Variants in ADGRG6 observed in about 807,000 individuals in gnomAD.
ADGRG6 encodes adhesion G protein-coupled receptor G6.
In ADGRG6, 84 loss-of-function variants were observed where a neutral mutation model predicts 142.4. That is an observed-to-expected ratio of 0.59 (90% confidence interval 0.49 to 0.71). ADGRG6 has a LOEUF of 0.71. Among genes scored for constraint, ADGRG6 ranks in the 30% least tolerant of loss-of-function variants. The probability of loss-of-function intolerance (pLI) is 0.00; values close to 1 mark genes in which losing one functional copy is unlikely to be tolerated. For synonymous variants in ADGRG6, 521 were observed against 520.5 expected (o/e 1.00, Z -0.01); for missense variants, 1,367 against 1,466.6 (o/e 0.93, Z 1.11).
At position 142,408,276 on chromosome 6, in the gene ADGRG6, A is replaced by T. The variant is rs1284379314; in HGVS notation, c.2388+7A>T. On this transcript the variant is annotated splice_region_variant and intron_variant, in intron 16 of 24. Transcript: ENST00000367609. ...CAAACATACAAGAACTCAGGTAAGA[A>T]AACGCTCCCAATAGCATTTGGACAG... is the stretch of plus-strand genomic sequence containing the variant. 6.5e-7 allele frequency: 1 copy of T among 1,550,098 alleles called. No homozygotes were observed. Among genetic ancestry groups the T allele is most frequent in the Non-Finnish European group, 8.7e-7 (1 of 1,144,214 alleles).
At position 142,321,263 on chromosome 6, in the gene ADGRG6, A is replaced by G. The variant is rs540225830; in HGVS notation, c.103+11619A>G. 2.7e-5 allele frequency among the ~76,000 whole-genome samples: 4 copies of G among 148,808 alleles called. No homozygotes were observed. In the South Asian group the frequency reaches 8.5e-4, roughly 32 times the overall value. On this transcript the variant is annotated intron_variant, in intron 2 of 24. Coordinates refer to ENST00000367609, the MANE Select transcript of ADGRG6 (RefSeq NM_198569.3). ...ATATTTCCTTTTTCATTACATCCTTATGTTTCCAAAAATAAGCATGCATAC... is the reference window on the plus strand; with the variant it reads ...ATATTTCCTTTTTCATTACATCCTTGTGTTTCCAAAAATAAGCATGCATAC...
intron 24 of ADGRG6, among the ~76,000 whole-genome samples, chr6:142,440,483 A>G (rs1777701511): frequency 6.6e-6 from 1 of 151,928 alleles, no homozygotes; most frequent in Non-Finnish European, 1.5e-5. Context: ...TTTTGTAGAG[A>G]TGAGGTCTCA....
intron 1 of ADGRG6, 177 bp downstream of exon 1, chr6:142,302,508 C>G: frequency 1.7e-6 from 1 of 603,766 alleles, no homozygotes. Context: ...AGGAGTAGGA[C>G]TATTGCCAAG....
intron 22 of ADGRG6, among the ~76,000 whole-genome samples, chr6:142,432,466 C>T (rs1189924814): frequency 6.6e-6 from 1 of 152,054 alleles, no homozygotes; most frequent in Non-Finnish European, 1.5e-5. Context: ...AAAATATATT[C>T]ATTCCTAAGA....
In ADGRG6 at chr6:142,380,620, T is replaced by A. The variant is rs183610135; in HGVS notation, c.1070-1331T>A. Among the ~76,000 whole-genome samples, 14 of 152,340 alleles carry A rather than the reference T, an allele frequency of 9.2e-5. No homozygotes were observed. In the East Asian group the frequency reaches 1.2e-3, roughly 13 times the overall value. ...TCCTTGGTACTTGTTTTAGAAATTC[T>A]GTCTGCCAGTAAAATACCCATCTCT... On this transcript the variant is annotated intron_variant, in intron 4 of 24. Coordinates refer to ENST00000367609, the MANE Select transcript of ADGRG6 (RefSeq NM_198569.3).
intron 2 of ADGRG6, among the ~76,000 whole-genome samples, chr6:142,332,635 A>G (rs1047125929): frequency 6.6e-6 from 1 of 152,164 alleles, no homozygotes; most frequent in Non-Finnish European, 1.5e-5. Context: ...CTTGGATGTC[A>G]TGTGGACATA....
intron 22 of ADGRG6, among the ~76,000 whole-genome samples, chr6:142,424,718 A>G (rs182657312): frequency 6.6e-6 from 1 of 152,046 alleles, no homozygotes; most frequent in Non-Finnish European, 1.5e-5. Flanking sequence ...CTCTTTTTCT[A>G]TTGATTGGAA....
At chr6:142,308,822 A>G (rs572139395) in intron 1 of ADGRG6, among the ~76,000 whole-genome samples, 11 of 151,816 alleles carry the variant, frequency 7.2e-5, no homozygotes, top group Non-Finnish European at 1.2e-4. Flanking sequence ...ACAATATAAT[A>G]TGAATGTTGC....
chr6:142,310,023 A>T (rs1161353595), intron 2 of ADGRG6, among the ~76,000 whole-genome samples: 2 of 151,886 alleles, frequency 1.3e-5, no homozygotes, highest in Admixed American at 6.6e-5. Flanking sequence ...GTAGTTATTT[A>T]TGGAAAGTAC....
At chr6:142,431,158 A>G (rs1777188357) in intron 22 of ADGRG6, among the ~76,000 whole-genome samples, 1 of 152,084 alleles carries the variant, frequency 6.6e-6, no homozygotes, top group African/African-American at 2.4e-5. Flanking sequence ...AAATGAAGGC[A>G]GGACTAAGGA....
At chr6:142,348,349 A>G (rs1780003708) in intron 2 of ADGRG6, among the ~76,000 whole-genome samples, 1 of 152,202 alleles carries the variant, frequency 6.6e-6, no homozygotes, top group Non-Finnish European at 1.5e-5. Flanking sequence ...AAAAGATCAG[A>G]TGGAAGAGGC....
chr6:142,393,932 C>G lies in ADGRG6; in HGVS notation c.1398C>G (p.Val466=). 2 of 1,562,590 alleles carry G rather than the reference C, an allele frequency of 1.3e-6. No individual in the cohort carries two copies. Among genetic ancestry groups the G allele is most frequent in the Non-Finnish European group, 8.7e-7 (1 of 1,150,780 alleles). The change falls in exon 9 of 25, where the codon GTC becomes GTG. Residue 466 remains valine (V), a synonymous_variant. Transcript: ENST00000367609. ...GTGCTGGAGAGGACAAGATTAAAGT[C>G]AAGAGAAGCCTTGAGGATGAGCCAA... ...HLSAGEDKIK[V]KRSLEDEPRL... is the part of the protein sequence containing the mutation.
chr6:142,400,683 TTA>T, intron 11 of ADGRG6, 87 bp downstream of exon 11: 1 of 705,302 alleles, frequency 1.4e-6, no homozygotes, highest in Non-Finnish European at 2.6e-6. Context: ...TTCTTAGGCA[TTA>T]TATTGATTGC....
intron 2 of ADGRG6, among the ~76,000 whole-genome samples, chr6:142,324,411 A>C (rs1377902339): frequency 6.6e-6 from 1 of 152,056 alleles, no homozygotes; most frequent in Non-Finnish European, 1.5e-5. Context: ...ATAATCTAAG[A>C]AATAAACAAG....
intron 22 of ADGRG6, among the ~76,000 whole-genome samples, chr6:142,434,228 A>G (rs1777365065): frequency 6.6e-6 from 1 of 150,800 alleles, no homozygotes; most frequent in Non-Finnish European, 1.5e-5. Context: ...TTAATATCAA[A>G]TAACATAATA....
chr6:142,406,917 G>A (rs1449060225), intron 15 of ADGRG6, among the ~76,000 whole-genome samples: 1 of 152,098 alleles, frequency 6.6e-6, no homozygotes, highest in Non-Finnish European at 1.5e-5. Context: ...CAGAAATGGA[G>A]TCCAGTGCAG....
Position 142,370,728 on chromosome 6 carries a change from A to G in ADGRG6, c.1004A>G (p.Asp335Gly), listed in dbSNP as rs1444136567. Reference sequence around the variant, plus strand: ...TGTAATGTGAAAGGGAATGTAGTCGACTGGCAAAATGACTTCTGGAATATC... The same window carrying G: ...TGTAATGTGAAAGGGAATGTAGTCGGCTGGCAAAATGACTTCTGGAATATC... ...LSCNVKGNVVDWQNDFWNIPN... is the reference protein window; with the variant it reads ...LSCNVKGNVVGWQNDFWNIPN... Residue 335 changes from aspartate (D) to glycine (G), a missense_variant, in exon 4 of 25, where the codon GAC (aspartate) becomes GGC (glycine). Asp to Gly is a moderately conservative substitution (Grantham distance 94, BLOSUM62 -1). Coordinates refer to ENST00000367609, the MANE Select transcript of ADGRG6 (RefSeq NM_198569.3). 3 of 1,613,730 alleles carry G rather than the reference A, an allele frequency of 1.9e-6. No individual in the cohort carries two copies. Among genetic ancestry groups the G allele is most frequent in the Non-Finnish European group, 2.5e-6 (3 of 1,179,752 alleles).
chr6:142,343,841 C>A (rs950810582), intron 2 of ADGRG6, among the ~76,000 whole-genome samples: 3 of 151,888 alleles, frequency 2.0e-5, no homozygotes, highest in East Asian at 1.9e-4. Flanking sequence ...GAAAAAAATT[C>A]AAAAGTGGGC....
chr6:142,390,872 CCTT>C (rs1011970651), intron 7 of ADGRG6, among the ~76,000 whole-genome samples: 54 of 151,856 alleles, frequency 3.6e-4, no homozygotes, highest in African/African-American at 1.3e-3. Context: ...TTCTTATTTT[CCTT>C]CTTTTTTACA....
Sources: allele counts gnomAD v4.1 joint callset (sites outside exome capture counted in the v4.1 genomes callset), GRCh38; gene constraint gnomAD v4.1.1; transcripts MANE v1.5; gene names NCBI Gene and HGNC (gene_info 2026-07-23, HGNC 2026-07-21).